PDPK1: variants seen among roughly 807,000 people sequenced by gnomAD.
PDPK1 encodes the protein 3-phosphoinositide-dependent protein kinase 1.
Under a neutral mutation model 39.8 loss-of-function variants are expected in PDPK1, and 7 were observed. The observed-to-expected ratio is 0.18, with a 90% CI of 0.10 to 0.33. The LOEUF (loss-of-function observed/expected upper bound fraction) is 0.33, where lower values mean the gene tolerates loss of function less well. Ranked by LOEUF, PDPK1 falls within the 10% of genes least tolerant of loss-of-function variation. PDPK1 has a pLI of 1.00. For synonymous variants in PDPK1, 118 were observed against 159.1 expected (o/e 0.74, Z 1.95); for missense variants, 182 against 384.7 (o/e 0.47, Z 4.41).
intron 1 of PDPK1, among the ~76,000 whole-genome samples, chr16:2,545,067 C>G (rs1469870488): frequency 6.9e-6 from 1 of 144,272 alleles, no homozygotes; most frequent in African/African-American, 2.6e-5. Flanking sequence ...GATGGAATCT[C>G]GTGCTGTTGC....
intron 6 of PDPK1, among the ~76,000 whole-genome samples, chr16:2,573,513 T>C (rs1479636416): frequency 1.6e-5 from 1 of 63,746 alleles, no homozygotes. Context: ...CTTATTTGTT[T>C]TTAATGTTAT....
Position 2,599,068 on chromosome 16 carries a change from T to C in PDPK1, c.*1301T>C. The C allele has an allele frequency of 4.3e-6, 1 of 233,458 alleles. No homozygotes were observed. Among genetic ancestry groups the C allele is most frequent in the Non-Finnish European group, 8.5e-6 (1 of 118,160 alleles). The allele number at this position is 233,458 out of a possible 1,614,324, so 14.5% of individuals were successfully genotyped here. On this transcript the variant is annotated 3_prime_UTR_variant, in exon 14 of 14. Transcript: ENST00000342085. ...TTTGGGGCCATTTCCCTTTGATGCT[T>C]TGGTGGCCTTGCCCCGCTCTGCAGC...
At chr16:2,580,065 T>G (rs1286614221) in intron 7 of PDPK1, 3 of 149,970 alleles carry the variant, frequency 2.0e-5, no homozygotes, top group African/African-American at 7.4e-5. Context: ...TTCCAGTCAT[T>G]CTTTCTGTGC....
rs995648404 is a variant in PDPK1 at position 2,601,028 on chromosome 16, G to A, written c.*3261G>A. 1.3e-5 allele frequency: 3 copies of A among 231,630 alleles called. No homozygotes were observed. Among genetic ancestry groups the A allele is most frequent in the Non-Finnish European group, 2.5e-5 (3 of 117,842 alleles). 14.3% of individuals were successfully genotyped at this position (231,630 alleles called of 1,614,324 possible). On this transcript the variant is annotated 3_prime_UTR_variant, in exon 14 of 14. Transcript: ENST00000342085. ...TAATTTATCTGACCATTTCCCTACT[G>A]TAAAATACTTAAGACGGTTTCTGAT...
At position 2,601,516 on chromosome 16, in the gene PDPK1, A is replaced by T. The variant is rs573302563; in HGVS notation, c.*3749A>T. ...AATGGTACTGAATTTGCATCTGCAC[A>T]GTCAGCAGAGATAACAAGTGTTGAA... On this transcript the variant is annotated 3_prime_UTR_variant, in exon 14 of 14. Transcript: ENST00000342085. 1.3e-5 allele frequency: 3 copies of T among 234,492 alleles called. No individual in the cohort carries two copies. The highest frequency in any genetic ancestry group is 5.6e-5 in the Admixed American group (1 of 17,774). The allele number at this position is 234,492 out of a possible 1,614,324, so 14.5% of individuals were successfully genotyped here.
intron 1 of PDPK1, among the ~76,000 whole-genome samples, chr16:2,556,299 C>T (rs1162451308): frequency 1.4e-5 from 2 of 148,128 alleles, no homozygotes; most frequent in African/African-American, 5.1e-5. Context: ...TTTGCCCAGG[C>T]TGGTCTTGAA....
chr16:2,600,339 A>G lies in PDPK1; in HGVS notation c.*2572A>G, dbSNP rs1224262829. The G allele has an allele frequency of 4.3e-6, 1 of 233,164 alleles. No homozygotes were observed. Among genetic ancestry groups the G allele is most frequent in the Non-Finnish European group, 8.5e-6 (1 of 118,094 alleles). The allele number at this position is 233,164 out of a possible 1,614,324, so 14.4% of individuals were successfully genotyped here. ...CAAGGACAGGTGGAATGTCGGGACC[A>G]CACTGTGCGGCTTCTCGGCACAAAG... On this transcript the variant is annotated 3_prime_UTR_variant, in exon 14 of 14. Transcript: ENST00000342085.
chr16:2,538,052 G>C lies in PDPK1; in HGVS notation c.-61G>C. 3 of 857,260 alleles carry C rather than the reference G, an allele frequency of 3.5e-6. No homozygotes were observed. The highest frequency in any genetic ancestry group is 1.8e-5 in the African/African-American group (1 of 54,412). The allele number at this position is 857,260 out of a possible 1,614,324, so 53.1% of individuals were successfully genotyped here. A position where few individuals can be genotyped will look rare whatever the true frequency, so the allele number is the denominator to read the frequency against. On this transcript the variant is annotated 5_prime_UTR_variant, in exon 1 of 14. Coordinates refer to ENST00000342085, the MANE Select transcript of PDPK1 (RefSeq NM_002613.5). Reference sequence around the variant, plus strand: ...GGGGCTCCGCTTCGGGGAGGAGGACGCTGAGGAGGCGCCGAGCCGCGCAGC... The same window carrying C: ...GGGGCTCCGCTTCGGGGAGGAGGACCCTGAGGAGGCGCCGAGCCGCGCAGC...
intron 1 of PDPK1, among the ~76,000 whole-genome samples, chr16:2,545,609 T>G (rs1160622590): frequency 8.5e-5 from 13 of 152,100 alleles, no homozygotes; most frequent in Admixed American, 7.2e-4. Flanking sequence ...ATTCTCCTGC[T>G]TCAGCTTCAT....
rs2067090719 is a variant in PDPK1 at position 2,595,862 on chromosome 16, G to C, written c.1401+12G>C. 2 of 1,608,632 alleles carry C rather than the reference G, an allele frequency of 1.2e-6. No individual in the cohort carries two copies. The highest frequency in any genetic ancestry group is 1.7e-6 in the Non-Finnish European group (2 of 1,175,050). ...TGGATAAGCGGAAGGTGAGTGGTCA[G>C]TGGTCCCGCTGCTCCGCACGGACAC... On this transcript the variant is annotated intron_variant, in intron 12 of 13. Coordinates refer to ENST00000342085, the MANE Select transcript of PDPK1 (RefSeq NM_002613.5).
intron 1 of PDPK1, among the ~76,000 whole-genome samples, chr16:2,543,846 T>C (rs947935015): frequency 2.0e-5 from 3 of 151,950 alleles, no homozygotes; most frequent in Admixed American, 1.3e-4. Flanking sequence ...TTCAGCCTCC[T>C]GAGTAGCTGG....
intron 1 of PDPK1, among the ~76,000 whole-genome samples, chr16:2,544,497 A>G (rs898755497): frequency 4.6e-5 from 7 of 152,238 alleles, no homozygotes; most frequent in Non-Finnish European, 8.8e-5. Flanking sequence ...AAAGCATAGT[A>G]CAATGAATAT....
chr16:2,541,914 T>G (rs2066252301), intron 1 of PDPK1, among the ~76,000 whole-genome samples: 1 of 151,970 alleles, frequency 6.6e-6, no homozygotes, highest in African/African-American at 2.4e-5. Flanking sequence ...AGGCATGGGT[T>G]GTGTGTGTTC....
chr16:2,580,004 C>T (rs1452535605), intron 7 of PDPK1: 4 of 148,992 alleles, frequency 2.7e-5, no homozygotes, highest in Non-Finnish European at 4.5e-5. Flanking sequence ...AAATAAATCT[C>T]CAAACCCACT....
At chr16:2,542,692 C>A (rs767533419) in intron 1 of PDPK1, among the ~76,000 whole-genome samples, 6 of 152,266 alleles carry the variant, frequency 3.9e-5, no homozygotes, top group Non-Finnish European at 8.8e-5. Flanking sequence ...CAGATGCCCT[C>A]TCTACCAGCC....
At chr16:2,539,000 A>G (rs764211325) in intron 1 of PDPK1, 3 of 235,396 alleles carry the variant, frequency 1.3e-5, no homozygotes, top group Admixed American at 5.3e-5. Context: ...TGGCTTTAAC[A>G]TTTGATTTAA....
In PDPK1 at chr16:2,600,288, G is replaced by A. The variant is rs2067191425; in HGVS notation, c.*2521G>A. 4.3e-6 allele frequency: 1 copy of A among 233,310 alleles called. No individual in the cohort carries two copies. Among genetic ancestry groups the A allele is most frequent in the Non-Finnish European group, 8.5e-6 (1 of 118,130 alleles). 14.5% of individuals were successfully genotyped at this position (233,310 alleles called of 1,614,324 possible). On this transcript the variant is annotated 3_prime_UTR_variant, in exon 14 of 14. Coordinates refer to ENST00000342085, the MANE Select transcript of PDPK1 (RefSeq NM_002613.5). Reference sequence around the variant, plus strand: ...TTTCACCTGCTGTTTAATAGACTTGGGGCCATGTGCCTCCCCACACATGGG... The same window carrying A: ...TTTCACCTGCTGTTTAATAGACTTGAGGCCATGTGCCTCCCCACACATGGG...
At chr16:2,592,518 A>G in intron 11 of PDPK1, 1 of 325,714 alleles carries the variant, frequency 3.1e-6, no homozygotes, top group Non-Finnish European at 6.0e-6. Flanking sequence ...TACTAAAATT[A>G]CCAAAAATTA....
At chr16:2,591,064 G>A (rs1356367370) in intron 11 of PDPK1, among the ~76,000 whole-genome samples, 1 of 151,316 alleles carries the variant, frequency 6.6e-6, no homozygotes, top group African/African-American at 2.4e-5. Flanking sequence ...CCAGGTTCAA[G>A]CATTTCTCCT....
Sources: gnomAD v4.1 joint callset for allele counts (sites outside exome capture counted in the v4.1 genomes callset) on GRCh38, gnomAD v4.1.1 for gene constraint, MANE v1.5 for transcripts, NCBI Gene and HGNC (gene_info 2026-07-23, HGNC 2026-07-21) for gene names.